NEGR1: variants seen among roughly 807,000 people sequenced by gnomAD.
The protein encoded by NEGR1 is neuronal growth regulator 1.
Under a neutral mutation model 40.9 loss-of-function variants are expected in NEGR1, and 10 were observed. The observed-to-expected ratio is 0.24, with a 90% CI of 0.15 to 0.42. The LOEUF is 0.42. Ranked by LOEUF, NEGR1 falls within the 10% of genes least tolerant of loss-of-function variation. The probability of loss-of-function intolerance (pLI) is 1.00; values close to 1 mark genes in which losing one functional copy is unlikely to be tolerated. For missense variants in NEGR1, 352 were observed against 438.9 expected, an observed-to-expected ratio of 0.80 and a Z score of 1.77; for synonymous variants, 185 against 166.8, an observed-to-expected ratio of 1.11 and a Z score of -0.84.
intron 3 of NEGR1, among the ~76,000 whole-genome samples, chr1:71,760,578 G>T (rs975589199): frequency 5.9e-5 from 9 of 152,104 alleles, no homozygotes; most frequent in African/African-American, 2.2e-4. Flanking sequence ...AGCCATTTTG[G>T]AAATTCACAA....
intron 6 of NEGR1, among the ~76,000 whole-genome samples, chr1:71,482,688 G>A (rs913236061): frequency 2.0e-5 from 3 of 151,804 alleles, no homozygotes; most frequent in Non-Finnish European, 2.9e-5. Context: ...TTCAAACCGC[G>A]TAAGGCAAAT....
intron 6 of NEGR1, among the ~76,000 whole-genome samples, chr1:71,476,347 C>A (rs967268700): frequency 7.9e-5 from 12 of 152,056 alleles, no homozygotes; most frequent in African/African-American, 2.9e-4. Flanking sequence ...ATAAAATAAG[C>A]AATATATGAC....
chr1:71,598,011 G>A (rs549427823), intron 5 of NEGR1, among the ~76,000 whole-genome samples: 4 of 152,114 alleles, frequency 2.6e-5, no homozygotes, highest in Non-Finnish European at 2.9e-5. Context: ...TGAAATGTAC[G>A]TATCAACAAA....
In NEGR1 at chr1:71,637,850, C is replaced by T. The variant is rs537871044; in HGVS notation, c.668-26704G>A. On this transcript the variant is annotated intron_variant, in intron 4 of 6. Coordinates refer to ENST00000357731, the MANE Select transcript of NEGR1 (RefSeq NM_173808.3). The stretch of plus-strand genomic sequence containing the variant: ...TATCTCTGGGCATTATGAATGCAAT[C>T]TCTCCTCACTCATAGAGTCCCTATC... Among the ~76,000 whole-genome samples, 3 of 152,104 alleles carry T rather than the reference C, an allele frequency of 2.0e-5. No homozygotes were observed. The South Asian group carries it at 6.2e-4, about 32-fold the overall frequency.
At chr1:72,163,729 A>AATAGATAGATAGATAG (rs756796363) in intron 1 of NEGR1, among the ~76,000 whole-genome samples, 2 of 60,334 alleles carry the variant, frequency 3.3e-5, no homozygotes, top group Non-Finnish European at 6.5e-5. Context: ...ACAGATATCT[A>AATAGATAGATAGATAG]ATAGATAGAT....
At chr1:71,686,904 A>G (rs1258497355) in intron 4 of NEGR1, among the ~76,000 whole-genome samples, 5 of 152,198 alleles carry the variant, frequency 3.3e-5, no homozygotes, top group African/African-American at 1.2e-4. Context: ...TGCAAACCCA[A>G]TATGCTCACA....
intron 4 of NEGR1, among the ~76,000 whole-genome samples, chr1:71,622,689 T>C (rs1650647578): frequency 6.6e-6 from 1 of 151,902 alleles, no homozygotes; most frequent in South Asian, 2.1e-4. Flanking sequence ...CAGGCTCATA[T>C]ATACATTCGA....
chr1:72,025,361 CT>C (rs1646797982), intron 1 of NEGR1, among the ~76,000 whole-genome samples: 1 of 152,040 alleles, frequency 6.6e-6, no homozygotes, highest in African/African-American at 2.4e-5. Context: ...TCCAAAATAC[CT>C]GTTGGCCATG....
intron 1 of NEGR1, among the ~76,000 whole-genome samples, chr1:71,954,875 T>C (rs1173754640): frequency 1.3e-5 from 2 of 152,134 alleles, no homozygotes; most frequent in Admixed American, 6.6e-5. Flanking sequence ...ACCATCATCA[T>C]TGCCATCATT....
intron 1 of NEGR1, among the ~76,000 whole-genome samples, chr1:72,022,772 G>A (rs116544454): frequency 1.3e-5 from 2 of 152,028 alleles, no homozygotes; most frequent in East Asian, 3.9e-4. Context: ...TATCCAAGTT[G>A]CCACTATTCA....
At chr1:72,137,113 T>A (rs1650497535) in intron 1 of NEGR1, among the ~76,000 whole-genome samples, 1 of 152,132 alleles carries the variant, frequency 6.6e-6, no homozygotes, top group African/African-American at 2.4e-5. Flanking sequence ...CTGGAGAGGA[T>A]GTGAAGAAAC....
At chr1:71,654,911 G>T (rs116398632) in intron 4 of NEGR1, among the ~76,000 whole-genome samples, 1 of 152,118 alleles carries the variant, frequency 6.6e-6, no homozygotes, top group South Asian at 2.1e-4. Flanking sequence ...GATAAATAGT[G>T]ATTAAAAAGG....
At chr1:71,824,122 A>C (rs551112033) in intron 2 of NEGR1, among the ~76,000 whole-genome samples, 1 of 151,926 alleles carries the variant, frequency 6.6e-6, no homozygotes, top group African/African-American at 2.4e-5. Flanking sequence ...TTTCCAGAGG[A>C]TACATTGTGG....
intron 2 of NEGR1, among the ~76,000 whole-genome samples, chr1:71,778,358 A>G (rs1444891343): frequency 6.6e-6 from 1 of 152,160 alleles, no homozygotes; most frequent in Non-Finnish European, 1.5e-5. Context: ...GATAATCTAC[A>G]TGAAATATTC....
chr1:71,718,967 G>A (rs1654366325), intron 3 of NEGR1, among the ~76,000 whole-genome samples: 1 of 152,104 alleles, frequency 6.6e-6, no homozygotes, highest in Non-Finnish European at 1.5e-5. Flanking sequence ...TTTCTGTTGT[G>A]AGCAAAAAAA....
chr1:71,951,361 T>C (rs1287555413), intron 1 of NEGR1, among the ~76,000 whole-genome samples: 1 of 151,982 alleles, frequency 6.6e-6, no homozygotes, highest in Non-Finnish European at 1.5e-5. Flanking sequence ...CAGGCAACTG[T>C]AACAGGCAAA....
chr1:72,141,826 A>C (rs921415552), intron 1 of NEGR1, among the ~76,000 whole-genome samples: 5 of 152,028 alleles, frequency 3.3e-5, no homozygotes, highest in Non-Finnish European at 5.9e-5. Flanking sequence ...CTTGTAGTTT[A>C]TGACTGTCTA....
intron 1 of NEGR1, among the ~76,000 whole-genome samples, chr1:72,118,490 T>C (rs1414404600): frequency 6.6e-6 from 1 of 151,820 alleles, no homozygotes; most frequent in Non-Finnish European, 1.5e-5. Flanking sequence ...AGCGGGTGTG[T>C]TGTGGCTCAA....
At chr1:71,753,361 A>G (rs949814720) in intron 3 of NEGR1, among the ~76,000 whole-genome samples, 2 of 152,188 alleles carry the variant, frequency 1.3e-5, no homozygotes, top group African/African-American at 2.4e-5. Context: ...GGATCGAGGT[A>G]GAAGTATATT....
Sources: gnomAD v4.1 joint callset for allele counts (sites outside exome capture counted in the v4.1 genomes callset) on GRCh38, gnomAD v4.1.1 for gene constraint, MANE v1.5 for transcripts, NCBI Gene and HGNC (gene_info 2026-07-23, HGNC 2026-07-21) for gene names.